Variants in WDPCP observed in about 807,000 individuals in gnomAD.
The protein encoded by WDPCP is WD repeat-containing and planar cell polarity effector protein fritz homolog.
Under a neutral mutation model 93.1 loss-of-function variants are expected in WDPCP, and 71 were observed. That is an observed-to-expected ratio of 0.76 (90% CI 0.63 to 0.93). WDPCP has a LOEUF of 0.93. Ranked by LOEUF, WDPCP falls within the 40% of genes least tolerant of loss-of-function variation. The pLI is 0.00. For synonymous variants in WDPCP, 315 were observed against 315.0 expected (o/e 1.00, Z 0.00); for missense variants, 844 against 887.4 (o/e 0.95, Z 0.62).
Position 63,588,238 on chromosome 2 carries a change from T to C in WDPCP, c.34A>G (p.Lys12Glu), listed in dbSNP as rs377590271. 44 of 1,578,486 alleles carry C rather than the reference T, an allele frequency of 2.8e-5. No homozygotes were observed. The highest frequency in any genetic ancestry group is 3.8e-5 in the Non-Finnish European group (44 of 1,159,728). The part of the protein sequence containing the change: ...RREFCWDAYS[K>E]AAGSRASSPL... The stretch of plus-strand genomic sequence containing the variant: ...GAAGAAGCGCGACTCCCGGCCGCTT[T>C]GGAGTAGGCGTCCCAGCAAAACTCT... The change falls in exon 1 of 18, where the codon AAA becomes GAA. Residue 12 changes from lysine (K) to glutamate (E), a missense_variant. Lys to Glu is a moderately conservative substitution (Grantham distance 56). Transcript: ENST00000272321.
chr2:63,698,808 A>C (rs927793990), intron 2 of WDPCP, among the ~76,000 whole-genome samples: 1 of 152,210 alleles, frequency 6.6e-6, no homozygotes, highest in Non-Finnish European at 1.5e-5. Context: ...GGGAGAGTTC[A>C]AAATTAGCTG....
At chr2:63,532,830 T>G (rs541186368) in intron 1 of WDPCP, among the ~76,000 whole-genome samples, 1 of 152,176 alleles carries the variant, frequency 6.6e-6, no homozygotes, top group African/African-American at 2.4e-5. Flanking sequence ...GCTAATATCA[T>G]AATGACAGGA....
At chr2:63,828,286 T>C (rs1352059587), upstream of WDPCP, among the ~76,000 whole-genome samples, 1 of 152,162 alleles carries the variant, frequency 6.6e-6, no homozygotes, top group East Asian at 1.9e-4. Context: ...AGATATATTT[T>C]TGGCTTGCTT....
At chr2:63,514,300 T>C (rs752303020) in intron 1 of WDPCP, among the ~76,000 whole-genome samples, 4 of 152,048 alleles carry the variant, frequency 2.6e-5, no homozygotes, top group African/African-American at 4.8e-5. Flanking sequence ...CAGAACACAT[T>C]AGAAGATGGG....
intron 2 of WDPCP, among the ~76,000 whole-genome samples, chr2:63,489,752 TG>T (rs1700763364): frequency 6.6e-6 from 1 of 151,942 alleles, no homozygotes; most frequent in Non-Finnish European, 1.5e-5. Flanking sequence ...CTCCATAAAG[TG>T]GAAAACTTGA....
rs59970085 is a variant in WDPCP at position 63,321,386 on chromosome 2, C to CTG, written c.1749-8077_1749-8076dup. On this transcript the variant is annotated intron_variant, in intron 12 of 17. Coordinates refer to ENST00000272321, the MANE Select transcript of WDPCP (RefSeq NM_015910.7). ...GTGTGTATAGACATATATATACACT[C>CTG]TGTGTGTGTGTGTGTGTGTGTGTGT... Among the ~76,000 whole-genome samples, 1,386 of 148,590 alleles carry CTG rather than the reference C, an allele frequency of 9.3e-3. 9 individuals carry two copies. The highest frequency in any genetic ancestry group is 0.022 in the South Asian group (100 of 4,638).
intron 1 of WDPCP, among the ~76,000 whole-genome samples, chr2:63,826,253 T>C (rs1671112633): frequency 6.6e-6 from 1 of 151,576 alleles, no homozygotes; most frequent in Non-Finnish European, 1.5e-5. Context: ...ACTAGGAGAG[T>C]TTTTGCTTTG....
chr2:63,798,834 A>G (rs1359558751), intron 2 of WDPCP, among the ~76,000 whole-genome samples: 1 of 152,132 alleles, frequency 6.6e-6, no homozygotes, highest in African/African-American at 2.4e-5. Context: ...TAAGAAACAC[A>G]CTTCACCTAA....
At chr2:63,496,887 G>A (rs569791651) in intron 1 of WDPCP, among the ~76,000 whole-genome samples, 47 of 152,094 alleles carry the variant, frequency 3.1e-4, no homozygotes, top group African/African-American at 1.1e-3. Flanking sequence ...TGAGGCAGGC[G>A]GATCACTTGA....
At chr2:63,399,560 G>A (rs1693986102) in intron 10 of WDPCP, among the ~76,000 whole-genome samples, 1 of 127,240 alleles carries the variant, frequency 7.9e-6, no homozygotes. Flanking sequence ...GGGTAATTTA[G>A]AGGGTGAAAG....
intron 15 of WDPCP, among the ~76,000 whole-genome samples, chr2:63,158,712 C>T (rs571657821): frequency 2.9e-4 from 44 of 152,128 alleles, no homozygotes; most frequent in Middle Eastern, 3.4e-3. Context: ...ACAGGTCCCT[C>T]GGTTCATTTT....
At chr2:63,545,714 C>T (rs142733255) in intron 1 of WDPCP, among the ~76,000 whole-genome samples, 2 of 151,984 alleles carry the variant, frequency 1.3e-5, no homozygotes, top group African/African-American at 4.8e-5. Context: ...TAGAAACATT[C>T]AAGTGTTCAT....
chr2:63,538,860 T>C (rs2106290711), intron 1 of WDPCP, among the ~76,000 whole-genome samples: 1 of 152,332 alleles, frequency 6.6e-6, no homozygotes, highest in Admixed American at 6.5e-5. Context: ...GTCAGTATCC[T>C]ATCAATAGAA....
At chr2:63,285,389 G>A (rs1332900752) in intron 13 of WDPCP, among the ~76,000 whole-genome samples, 3 of 149,830 alleles carry the variant, frequency 2.0e-5, no homozygotes, top group Middle Eastern at 3.2e-3. Flanking sequence ...AGCTGAGATC[G>A]TGCCACTGCA....
chr2:63,434,666 T>A (rs924268048), intron 8 of WDPCP, among the ~76,000 whole-genome samples: 1 of 152,014 alleles, frequency 6.6e-6, no homozygotes, highest in African/African-American at 2.4e-5. Context: ...AAAAAAAAAC[T>A]ATCTTGCCAT....
intron 2 of WDPCP, among the ~76,000 whole-genome samples, chr2:63,488,061 C>T (rs1215822513): frequency 6.6e-6 from 1 of 152,048 alleles, no homozygotes; most frequent in Non-Finnish European, 1.5e-5. Context: ...GGACACTTTG[C>T]TGGGGCTACC....
At chr2:63,470,216 G>C (rs1396388427) in intron 6 of WDPCP, among the ~76,000 whole-genome samples, 1 of 152,110 alleles carries the variant, frequency 6.6e-6, no homozygotes, top group Non-Finnish European at 1.5e-5. Context: ...CCAGTCTTTT[G>C]GCTTTTAGTG....
At chr2:63,728,724 A>T (rs1406759853) in intron 2 of WDPCP, among the ~76,000 whole-genome samples, 1 of 152,138 alleles carries the variant, frequency 6.6e-6, no homozygotes, top group African/African-American at 2.4e-5. Flanking sequence ...TAGTGTTGGC[A>T]TCCTTCCACT....
At chr2:63,656,076 T>G (rs1347765427) in intron 2 of WDPCP, among the ~76,000 whole-genome samples, 1 of 152,206 alleles carries the variant, frequency 6.6e-6, no homozygotes, top group Non-Finnish European at 1.5e-5. Flanking sequence ...CTGTGGGGAA[T>G]TGGCTGACAT....
Sources: gnomAD v4.1 joint callset for allele counts (sites outside exome capture counted in the v4.1 genomes callset) on GRCh38, gnomAD v4.1.1 for gene constraint, MANE v1.5 for transcripts, NCBI Gene and HGNC (gene_info 2026-07-23, HGNC 2026-07-21) for gene names.